The following WRAP73 variants were observed in gnomAD, a reference collection of about 807,000 sequenced individuals.
The protein encoded by WRAP73 is WD repeat-containing protein WRAP73.
In WRAP73, 55 loss-of-function variants were observed where a neutral mutation model predicts 59.6. That is an observed-to-expected ratio of 0.92 (90% CI 0.74 to 1.15). WRAP73 has a LOEUF of 1.15. Among genes scored for constraint, WRAP73 ranks in the 50% most tolerant of loss-of-function variants. WRAP73 has a pLI of 0.00. For synonymous variants in WRAP73, 265 were observed against 258.2 expected (o/e 1.03, Z -0.25); for missense variants, 592 against 608.1 (o/e 0.97, Z 0.28).
intron 4 of WRAP73, among the ~76,000 whole-genome samples, chr1:3,638,024 C>T (rs1013788196): frequency 4.6e-5 from 7 of 152,148 alleles, no homozygotes; most frequent in South Asian, 4.1e-4. Flanking sequence ...TCTGGAGGGA[C>T]GCTAATATTC....
At chr1:3,643,595 G>A (rs1365579264) in intron 3 of WRAP73, among the ~76,000 whole-genome samples, 2 of 140,040 alleles carry the variant, frequency 1.4e-5, no homozygotes, top group Admixed American at 7.2e-5. Flanking sequence ...CGCGCCTTCG[G>A]AAGGGGACCC....
intron 4 of WRAP73, 75 bp from the exon 5 acceptor site, chr1:3,637,173 A>G: frequency 7.9e-7 from 1 of 1,273,860 alleles, no homozygotes; most frequent in African/African-American, 1.5e-5. Flanking sequence ...AGTAATTCAC[A>G]AGGAAGGAGG....
At chr1:3,631,201 G>C in intron 11 of WRAP73, 84 bp from the exon 12 acceptor site, 1 of 1,584,372 alleles carries the variant, frequency 6.3e-7, no homozygotes, top group African/African-American at 1.3e-5. Context: ...CTGCAGGCCA[G>C]CACAGTGCCT....
intron 6 of WRAP73, chr1:3,635,512 A>T: frequency 1.6e-6 from 1 of 626,200 alleles, no homozygotes; most frequent in South Asian, 2.0e-5. Flanking sequence ...AGGTCAACCT[A>T]ATGGCTCGCT....
At chr1:3,640,277 C>T (rs1242741063) in intron 3 of WRAP73, among the ~76,000 whole-genome samples, 3 of 152,248 alleles carry the variant, frequency 2.0e-5, no homozygotes, top group Admixed American at 6.5e-5. Flanking sequence ...CCAAGGAGGG[C>T]GCTGGGGCCT....
In WRAP73 at chr1:3,642,737, CAA is replaced by C. The variant is rs35743795; in HGVS notation, c.340-3917_340-3916del. Among the ~76,000 whole-genome samples the C allele has an allele frequency of 6.5e-3, 629 of 96,536 alleles. 12 individuals carry two copies. The East Asian group carries it at 0.074, about 11-fold the overall frequency. The allele number at this position is 96,536 out of a possible 152,430, so 63.3% of individuals were successfully genotyped here. ...GGGGGACAAGAGCGAAACTCCATCT[CAA>C]AAAAAAAAAAAAAAAAATGCTGCTG... On this transcript the variant is annotated intron_variant, in intron 3 of 11. Transcript: ENST00000270708.
At chr1:3,633,218 A>G in intron 9 of WRAP73, 180 bp downstream of exon 9, 1 of 644,118 alleles carries the variant, frequency 1.6e-6, no homozygotes, top group South Asian at 1.8e-5. Flanking sequence ...TTCACGGCCC[A>G]CTGCGCAATT....
chr1:3,638,247 C>T (rs931011229), intron 4 of WRAP73, among the ~76,000 whole-genome samples: 2 of 152,250 alleles, frequency 1.3e-5, no homozygotes, highest in Non-Finnish European at 2.9e-5. Context: ...CCTGCGCCGG[C>T]CCCCTTTCTT....
chr1:3,631,882 GGTA>G, intron 10 of WRAP73: 1 of 1,346,414 alleles, frequency 7.4e-7, no homozygotes, highest in Non-Finnish European at 9.5e-7. Context: ...TTCTTTCTTT[GGTA>G]TTTTTTTTTT....
intron 3 of WRAP73, among the ~76,000 whole-genome samples, chr1:3,642,004 G>A (rs1644650772): frequency 6.6e-6 from 1 of 152,246 alleles, no homozygotes; most frequent in Admixed American, 6.5e-5. Context: ...TGCCACCGCG[G>A]AATCATGGGA....
chr1:3,641,658 T>C (rs1482178949), intron 3 of WRAP73, among the ~76,000 whole-genome samples: 1 of 152,200 alleles, frequency 6.6e-6, no homozygotes, highest in Non-Finnish European at 1.5e-5. Flanking sequence ...TTGGTCCTGA[T>C]TGTGGCGGCA....
intron 3 of WRAP73, among the ~76,000 whole-genome samples, chr1:3,643,031 C>T (rs1337017031): frequency 6.6e-6 from 1 of 152,242 alleles, no homozygotes; most frequent in African/African-American, 2.4e-5. Context: ...CCTAGAGAGG[C>T]TCTCCGGGTA....
chr1:3,647,632 C>A, intron 1 of WRAP73, 72 bp from the exon 2 acceptor site: 1 of 1,535,900 alleles, frequency 6.5e-7, no homozygotes, highest in African/African-American at 1.4e-5. Context: ...AATGCTACTG[C>A]CCTGGCCTTC....
intron 5 of WRAP73, 178 bp from the exon 6 acceptor site, chr1:3,636,208 C>T (rs746041937): frequency 2.3e-5 from 14 of 614,666 alleles, no homozygotes; most frequent in South Asian, 5.8e-5. Flanking sequence ...GGGGCTGCAC[C>T]GCCACAGATG....
At position 3,646,646 on chromosome 1, in the gene WRAP73, G is replaced by A. The variant is rs373386445; in HGVS notation, c.339+20C>T. The A allele has an allele frequency of 1.9e-6, 3 of 1,583,332 alleles. No individual in the cohort carries two copies. The highest frequency in any genetic ancestry group is 2.7e-5 in the African/African-American group (2 of 73,824). ...GACAGGATCACATGGCCAGTAAGGT[G>A]TCTTGGGGCTGACACTTACATGGAA... On this transcript the variant is annotated intron_variant, in intron 3 of 11. Coordinates refer to ENST00000270708, the MANE Select transcript of WRAP73 (RefSeq NM_017818.4). The surrounding 1 kb of genome is among the most constrained non-coding windows in gnomAD (Gnocchi z 5.1).
chr1:3,635,480 T>A, intron 6 of WRAP73, 186 bp from the exon 7 acceptor site: 1 of 775,132 alleles, frequency 1.3e-6, no homozygotes, highest in East Asian at 2.7e-5. Context: ...AGTGAGAGCA[T>A]GAGGAAAAAG....
Position 3,636,049 on chromosome 1 carries a change from G to T in WRAP73, c.517-19C>A. On this transcript the variant is annotated intron_variant, in intron 5 of 11. Transcript: ENST00000270708. ...CAAAATGCTTCCAAAGGAAGGGGGG[G>T]AAACATTAAATTTGGAAAATATTTT... The T allele has an allele frequency of 6.3e-7, 1 of 1,590,798 alleles. No homozygotes were observed. The highest frequency in any genetic ancestry group is 8.6e-7 in the Non-Finnish European group (1 of 1,161,146).
At chr1:3,635,128 G>A (rs768450057) in intron 7 of WRAP73, 32 bp downstream of exon 7, 24 of 1,613,950 alleles carry the variant, frequency 1.5e-5, no homozygotes, top group African/African-American at 2.7e-5. Flanking sequence ...CTGGGCGGTC[G>A]GACTTCCTGA....
chr1:3,649,860 C>T (rs1644724391), intron 1 of WRAP73, 71 bp downstream of exon 1: 1 of 1,521,602 alleles, frequency 6.6e-7, no homozygotes, highest in South Asian at 1.2e-5. Flanking sequence ...ACGCGGCCGC[C>T]CCCGGCCCTG....
Sources: gnomAD v4.1 joint callset for allele counts (sites outside exome capture counted in the v4.1 genomes callset) on GRCh38, gnomAD v4.1.1 for gene constraint, Gnocchi (gnomAD v3.1) non-coding constraint, MANE v1.5 for transcripts, NCBI Gene and HGNC (gene_info 2026-07-23, HGNC 2026-07-21) for gene names.